KALRN: variants seen among roughly 807,000 people sequenced by gnomAD.
The protein encoded by KALRN is kalirin RhoGEF kinase.
In KALRN, 70 loss-of-function variants were observed where a neutral mutation model predicts 353.7. That is an observed-to-expected ratio of 0.20 (90% CI 0.16 to 0.24). The LOEUF (loss-of-function observed/expected upper bound fraction) is 0.24. Ranked by LOEUF, KALRN falls within the 10% of genes least tolerant of loss-of-function variation. KALRN has a pLI of 1.00. For missense variants in KALRN, 2,791 were observed against 3,756.7 expected, an observed-to-expected ratio of 0.74 and a Z score of 6.72; for synonymous variants, 1,391 against 1,434.8, an observed-to-expected ratio of 0.97 and a Z score of 0.69.
intron 37 of KALRN, among the ~76,000 whole-genome samples, chr3:124,639,534 C>G (rs755343979): frequency 1.6e-4 from 25 of 152,060 alleles, no homozygotes; most frequent in Non-Finnish European, 3.5e-4. Context: ...TACCTTTTTG[C>G]CCACTACTAC....
chr3:124,117,734 G>C (rs1191447099), intron 1 of KALRN, among the ~76,000 whole-genome samples: 1 of 152,152 alleles, frequency 6.6e-6, no homozygotes, highest in Non-Finnish European at 1.5e-5. Context: ...TACTTAACAT[G>C]ATGTGGTGGC....
At chr3:124,308,612 T>G (rs959292197) in intron 6 of KALRN, among the ~76,000 whole-genome samples, 4 of 151,886 alleles carry the variant, frequency 2.6e-5, no homozygotes, top group African/African-American at 9.7e-5. Context: ...GAAACTAATT[T>G]TAGATGAATG....
At chr3:124,268,678 C>G (rs569888191) in intron 4 of KALRN, 65 bp from the exon 5 acceptor site, 4 of 1,523,154 alleles carry the variant, frequency 2.6e-6, no homozygotes, top group Non-Finnish European at 3.6e-6. Context: ...TTTCCCTCAT[C>G]CTATTTCTGC....
At chr3:124,619,129 T>C (rs2078984941) in intron 34 of KALRN, among the ~76,000 whole-genome samples, 1 of 79,454 alleles carries the variant, frequency 1.3e-5, no homozygotes, top group South Asian at 2.8e-4. Context: ...TATTTGACTT[T>C]TTTTTTTTTT....
intron 26 of KALRN, among the ~76,000 whole-genome samples, chr3:124,476,921 A>G (rs1358381752): frequency 6.6e-6 from 1 of 152,242 alleles, no homozygotes; most frequent in Non-Finnish European, 1.5e-5. Flanking sequence ...AATCCAAAAA[A>G]GGGTAAAATC....
intron 5 of KALRN, among the ~76,000 whole-genome samples, chr3:124,285,186 T>C (rs1296733702): frequency 1.3e-5 from 2 of 152,220 alleles, no homozygotes; most frequent in Non-Finnish European, 1.5e-5. Flanking sequence ...GTATGACTGG[T>C]TTGAACAAAT....
intron 6 of KALRN, among the ~76,000 whole-genome samples, chr3:124,312,255 G>A (rs370655504): frequency 3.5e-4 from 54 of 152,248 alleles, no homozygotes; most frequent in Middle Eastern, 3.4e-3. Context: ...CTGCCTCCCG[G>A]GTTCAAGTGA....
rs2150232587 is a variant in KALRN, at chr3:124,661,586, G to A, written c.6268-265G>A. On this transcript the variant is annotated intron_variant, in intron 44 of 59. Coordinates refer to ENST00000682506, the MANE Select transcript of KALRN (RefSeq NM_001388419.1). ...GCAAGGGAATTGATGAACAAAAACA[G>A]GAAGGTAGGGAAAGGAGGGGCTGAG... Among the ~76,000 whole-genome samples the A allele has an allele frequency of 1.3e-5, 2 of 152,342 alleles. 1 individual carries two copies. Among genetic ancestry groups the A allele is most frequent in the South Asian group, 4.1e-4 (2 of 4,826 alleles).
intron 1 of KALRN, among the ~76,000 whole-genome samples, chr3:124,189,816 G>A (rs1222557843): frequency 6.6e-6 from 1 of 151,812 alleles, no homozygotes; most frequent in African/African-American, 2.4e-5. Context: ...GCATGCGCCT[G>A]TAATCCCAGC....
intron 1 of KALRN, chr3:124,082,413 A>G (rs1197021928): frequency 2.4e-6 from 1 of 409,818 alleles, no homozygotes; most frequent in Non-Finnish European, 5.0e-6. Context: ...CAACCAAGTA[A>G]TTCTTCTCCA....
intron 14 of KALRN, among the ~76,000 whole-genome samples, 162 bp downstream of exon 14, chr3:124,413,827 C>T (rs1027635482): frequency 6.6e-6 from 1 of 151,912 alleles, no homozygotes; most frequent in Non-Finnish European, 1.5e-5. Flanking sequence ...GAAACGAGGC[C>T]AGGTGTGGTG....
At chr3:124,539,664 C>G (rs1331539553) in intron 33 of KALRN, among the ~76,000 whole-genome samples, 1 of 152,024 alleles carries the variant, frequency 6.6e-6, no homozygotes, top group African/African-American at 2.4e-5. Flanking sequence ...GGTAGACAAG[C>G]CTTGGGTTTT....
chr3:124,038,660 T>G (rs891233015), intron 1 of KALRN, among the ~76,000 whole-genome samples: 1 of 152,210 alleles, frequency 6.6e-6, no homozygotes, highest in Non-Finnish European at 1.5e-5. Context: ...ATTTTCTACC[T>G]CTGTCCTTCT....
chr3:124,350,764 GA>G (rs2082752966), intron 10 of KALRN, among the ~76,000 whole-genome samples: 1 of 152,104 alleles, frequency 6.6e-6, no homozygotes, highest in African/African-American at 2.4e-5. Flanking sequence ...TTTTGAAAGA[GA>G]AGACAGAGTT....
chr3:124,473,596 G>C (rs569313353), intron 25 of KALRN, among the ~76,000 whole-genome samples: 2 of 152,200 alleles, frequency 1.3e-5, no homozygotes, highest in African/African-American at 4.8e-5. Context: ...ATAGAGAGCT[G>C]TGTCTTCTTT....
chr3:124,667,839 T>C (rs1441372647), intron 47 of KALRN, among the ~76,000 whole-genome samples: 1 of 152,154 alleles, frequency 6.6e-6, no homozygotes, highest in Non-Finnish European at 1.5e-5. Context: ...TATATTTCTT[T>C]ATTTTTTCCC....
intron 1 of KALRN, among the ~76,000 whole-genome samples, chr3:124,066,671 T>A (rs2042388166): frequency 6.6e-6 from 1 of 152,154 alleles, no homozygotes; most frequent in Admixed American, 6.5e-5. Flanking sequence ...CTTCTTCTTA[T>A]CTCCTGCCAC....
intron 34 of KALRN, among the ~76,000 whole-genome samples, chr3:124,573,031 T>C (rs2073719297): frequency 6.6e-6 from 1 of 151,820 alleles, no homozygotes; most frequent in African/African-American, 2.4e-5. Flanking sequence ...AGCGAGACCC[T>C]GTCTCCAAAA....
intron 1 of KALRN, among the ~76,000 whole-genome samples, chr3:124,062,870 G>T (rs937624360): frequency 3.9e-5 from 6 of 152,190 alleles, no homozygotes; most frequent in African/African-American, 1.4e-4. Flanking sequence ...ATATGGGTTT[G>T]TGGTTGCCCT....
Sources: gnomAD v4.1 joint callset for allele counts (sites outside exome capture counted in the v4.1 genomes callset) on GRCh38, gnomAD v4.1.1 for gene constraint, MANE v1.5 for transcripts, NCBI Gene and HGNC (gene_info 2026-07-23, HGNC 2026-07-21) for gene names.